GRM8: variants seen among roughly 807,000 people sequenced by gnomAD.
The protein encoded by GRM8 is glutamate metabotropic receptor 8.
Under a neutral mutation model 87.2 loss-of-function variants are expected in GRM8, and 47 were observed. That is an observed-to-expected ratio of 0.54 (90% CI 0.43 to 0.69). The LOEUF (loss-of-function observed/expected upper bound fraction) is 0.69. Among genes scored for constraint, GRM8 ranks in the 30% least tolerant of loss-of-function variants. The pLI is 0.00. For missense variants in GRM8, 1,019 were observed against 1,139.2 expected, an observed-to-expected ratio of 0.89 and a Z score of 1.52; for synonymous variants, 396 against 404.5, an observed-to-expected ratio of 0.98 and a Z score of 0.25.
chr7:126,496,203 A>C lies in GRM8; in HGVS notation c.2430+36749T>G, dbSNP rs1259684843. On this transcript the variant is annotated intron_variant, in intron 9 of 10. Transcript: ENST00000339582. ...GGAATGCAGAAAGGAAAGGACAGAG[A>C]GAAAGGGAGGAAGGAAGGAAGAAAG... is the stretch of plus-strand genomic sequence containing the variant. Among the ~76,000 whole-genome samples, 4 of 152,032 alleles carry C rather than the reference A, an allele frequency of 2.6e-5. No individual in the cohort carries two copies. The South Asian group carries it at 8.3e-4, about 32-fold the overall frequency.
At chr7:127,063,954 G>A (rs1051773309) in intron 3 of GRM8, among the ~76,000 whole-genome samples, 4 of 152,104 alleles carry the variant, frequency 2.6e-5, no homozygotes, top group Non-Finnish European at 5.9e-5. Flanking sequence ...TCAAAGTCTT[G>A]ACTTTCTATT....
intron 7 of GRM8, among the ~76,000 whole-genome samples, chr7:126,754,928 A>G (rs1280597358): frequency 6.6e-6 from 1 of 150,766 alleles, no homozygotes; most frequent in Non-Finnish European, 1.5e-5. Flanking sequence ...CTCAAAAGCC[A>G]AAAGATGGTT....
intron 3 of GRM8, among the ~76,000 whole-genome samples, chr7:126,944,608 T>C (rs1807329020): frequency 6.6e-6 from 1 of 152,196 alleles, no homozygotes; most frequent in African/African-American, 2.4e-5. Flanking sequence ...ATTTCAACTG[T>C]TCCAGAATAT....
chr7:126,922,389 G>A (rs1423751973), intron 3 of GRM8, among the ~76,000 whole-genome samples: 8 of 151,922 alleles, frequency 5.3e-5, no homozygotes, highest in East Asian at 3.9e-4. Flanking sequence ...TTAAGTCATC[G>A]TCTTCCGTAG....
intron 1 of GRM8, among the ~76,000 whole-genome samples, chr7:127,244,659 C>A (rs1045325733): frequency 5.9e-5 from 9 of 152,114 alleles, no homozygotes; most frequent in Non-Finnish European, 8.8e-5. Flanking sequence ...CCTAGCCAAC[C>A]AACATCTGCT....
chr7:127,060,974 G>A (rs1362630419), intron 3 of GRM8, among the ~76,000 whole-genome samples: 1 of 152,110 alleles, frequency 6.6e-6, no homozygotes, highest in East Asian at 1.9e-4. Context: ...TATAGTGATA[G>A]GGTGGCCCTG....
intron 2 of GRM8, among the ~76,000 whole-genome samples, chr7:127,127,624 G>A (rs1446946925): frequency 6.6e-6 from 1 of 151,982 alleles, no homozygotes; most frequent in Non-Finnish European, 1.5e-5. Flanking sequence ...ATTTCCTGGG[G>A]CCAGAGCAGG....
At chr7:127,094,980 C>A (rs1824498373) in intron 3 of GRM8, among the ~76,000 whole-genome samples, 1 of 152,102 alleles carries the variant, frequency 6.6e-6, no homozygotes, top group Admixed American at 6.5e-5. Flanking sequence ...GTCAGGGCCC[C>A]ATACAATAGC....
chr7:126,669,982 G>C (rs780422985), intron 7 of GRM8, among the ~76,000 whole-genome samples: 6 of 152,144 alleles, frequency 3.9e-5, no homozygotes, highest in Non-Finnish European at 8.8e-5. Flanking sequence ...TTCAAAAAAG[G>C]GTATTATATG....
intron 2 of GRM8, among the ~76,000 whole-genome samples, chr7:127,107,442 C>A (rs1347268808): frequency 6.6e-6 from 1 of 152,044 alleles, no homozygotes; most frequent in South Asian, 2.1e-4. Context: ...AATGAGGAAT[C>A]CTATGTCATT....
At chr7:127,065,916 C>A (rs976124162) in intron 3 of GRM8, among the ~76,000 whole-genome samples, 1 of 152,170 alleles carries the variant, frequency 6.6e-6, no homozygotes, top group African/African-American at 2.4e-5. Flanking sequence ...ATGAATTTTT[C>A]TCTTTCTTAC....
chr7:126,472,605 C>T (rs750051896), intron 9 of GRM8, among the ~76,000 whole-genome samples: 4 of 152,146 alleles, frequency 2.6e-5, no homozygotes, highest in Non-Finnish European at 5.9e-5. Context: ...AAAGTGAAAA[C>T]CCATTTTCTG....
At chr7:126,651,415 G>A (rs1803853136) in intron 7 of GRM8, among the ~76,000 whole-genome samples, 1 of 152,160 alleles carries the variant, frequency 6.6e-6, no homozygotes, top group South Asian at 2.1e-4. Flanking sequence ...TGTATGCTCT[G>A]AATCGGCGTC....
At chr7:126,472,246 G>A (rs1441388913) in intron 9 of GRM8, among the ~76,000 whole-genome samples, 2 of 152,180 alleles carry the variant, frequency 1.3e-5, no homozygotes, top group Non-Finnish European at 2.9e-5. Flanking sequence ...TGGTGAGAGA[G>A]GGCATCCCTG....
chr7:126,668,824 T>G, intron 7 of GRM8, among the ~76,000 whole-genome samples: 1 of 152,206 alleles, frequency 6.6e-6, no homozygotes, highest in East Asian at 1.9e-4. Context: ...AGCAACTGGG[T>G]TTCCTTTTGC....
chr7:126,789,151 G>A (rs868850934), intron 6 of GRM8, among the ~76,000 whole-genome samples: 2 of 151,978 alleles, frequency 1.3e-5, no homozygotes, highest in Non-Finnish European at 2.9e-5. Context: ...AACATCTTAT[G>A]TATATTACAC....
chr7:126,851,366 G>A (rs1017421242), intron 6 of GRM8, among the ~76,000 whole-genome samples: 3 of 152,032 alleles, frequency 2.0e-5, no homozygotes, highest in Admixed American at 2.0e-4. Context: ...CACTTAAGTC[G>A]ATTCTCAACT....
chr7:126,458,691 T>C (rs1338695037), intron 9 of GRM8, among the ~76,000 whole-genome samples: 1 of 151,156 alleles, frequency 6.6e-6, no homozygotes, highest in Admixed American at 6.6e-5. Context: ...AATTAGGTTA[T>C]CCAGCAACAA....
chr7:127,088,672 A>G (rs1006748664), intron 3 of GRM8, among the ~76,000 whole-genome samples: 6 of 152,182 alleles, frequency 3.9e-5, no homozygotes, highest in Non-Finnish European at 8.8e-5. Flanking sequence ...CTGACACCAT[A>G]CAGCATGTGC....
Sources: allele counts gnomAD v4.1 joint callset (sites outside exome capture counted in the v4.1 genomes callset), GRCh38; gene constraint gnomAD v4.1.1; transcripts MANE v1.5; gene names NCBI Gene and HGNC (gene_info 2026-07-23, HGNC 2026-07-21).